CPAMD8: variants seen among roughly 807,000 people sequenced by gnomAD.
CPAMD8 encodes C3 and PZP like alpha-2-macroglobulin domain containing 8.
In CPAMD8, 146 loss-of-function variants were observed where a neutral mutation model predicts 224.7. The ratio of observed to expected loss-of-function variants is 0.65; its 90% CI spans 0.57 to 0.75. The LOEUF (loss-of-function observed/expected upper bound fraction) is 0.75. Among genes scored for constraint, CPAMD8 ranks in the 30% least tolerant of loss-of-function variants. The probability of loss-of-function intolerance (pLI) is 0.00; values close to 1 mark genes in which losing one functional copy is unlikely to be tolerated. For synonymous variants in CPAMD8, 966 were observed against 1,044.6 expected (o/e 0.92, Z 1.45); for missense variants, 2,301 against 2,537.5 (o/e 0.91, Z 2.00).
chr19:16,937,470 C>T (rs1568496223), intron 23 of CPAMD8, among the ~76,000 whole-genome samples: 1 of 151,920 alleles, frequency 6.6e-6, no homozygotes, highest in Non-Finnish European at 1.5e-5. Context: ...TAGGTCCAGC[C>T]TCATGTGTTG....
At chr19:17,021,755 C>T (rs528846595) in intron 2 of CPAMD8, among the ~76,000 whole-genome samples, 13 of 152,340 alleles carry the variant, frequency 8.5e-5, no homozygotes, top group East Asian at 7.7e-4. Flanking sequence ...AAAGCTGACA[C>T]AGGTGGGTGC....
intron 2 of CPAMD8, 67 bp downstream of exon 2, chr19:17,021,963 A>G: frequency 7.2e-7 from 1 of 1,392,838 alleles, no homozygotes. Flanking sequence ...CCCAGCCCTG[A>G]AGGCCAGCAA....
At position 17,009,477 on chromosome 19, in the gene CPAMD8, T is replaced by A. The variant is rs1280868733; in HGVS notation, c.487-157A>T. ...ACATCCGTTGAATCCTAACCCCAAG[T>A]AGGGTCTTTAGAAAGACTCATTACA... is the stretch of plus-strand genomic sequence containing the variant. On this transcript the variant is annotated intron_variant, in intron 5 of 41. Coordinates refer to ENST00000443236, the MANE Select transcript of CPAMD8 (RefSeq NM_015692.5). The A allele has an allele frequency of 3.3e-5, 42 of 1,283,492 alleles. 1 individual carries two copies. The highest frequency in any genetic ancestry group is 2.0e-4 in the Middle Eastern group (1 of 5,128). The allele number at this position is 1,283,492 out of a possible 1,614,324, so 79.5% of individuals were successfully genotyped here.
At chr19:16,932,993 A>G (rs2053588741) in intron 23 of CPAMD8, among the ~76,000 whole-genome samples, 1 of 152,198 alleles carries the variant, frequency 6.6e-6, no homozygotes, top group Non-Finnish European at 1.5e-5. Flanking sequence ...TTCTAAAGAC[A>G]GCAAGAGAGG....
intron 17 of CPAMD8, chr19:16,971,268 T>A: frequency 2.4e-6 from 1 of 412,032 alleles, no homozygotes; most frequent in Non-Finnish European, 4.3e-6. Flanking sequence ...TGGCGCAATC[T>A]TGGCTCACTG....
intron 14 of CPAMD8, among the ~76,000 whole-genome samples, chr19:16,977,841 C>T (rs777988185): frequency 3.3e-5 from 5 of 152,116 alleles, no homozygotes; most frequent in South Asian, 2.1e-4. Flanking sequence ...CTGCTTCCTC[C>T]GCGGACACCA....
At chr19:17,005,846 A>G (rs1302134273) in intron 7 of CPAMD8, among the ~76,000 whole-genome samples, 1 of 152,016 alleles carries the variant, frequency 6.6e-6, no homozygotes, top group Non-Finnish European at 1.5e-5. Context: ...ACATTCGGGG[A>G]TGTGTGTCCT....
chr19:16,971,407 G>T (rs1161617875), intron 17 of CPAMD8, among the ~76,000 whole-genome samples: 3 of 152,140 alleles, frequency 2.0e-5, no homozygotes, highest in African/African-American at 7.2e-5. Flanking sequence ...TGGGGAGAAC[G>T]TGGGACCCAG....
At position 16,907,149 on chromosome 19, in the gene CPAMD8, G is replaced by C. The variant is rs1467184188; in HGVS notation, c.3862-32C>G. 6.0e-6 allele frequency: 9 copies of C among 1,509,210 alleles called. No individual in the cohort carries two copies. The South Asian group carries it at 1.1e-4, about 18-fold the overall frequency. 93.5% of individuals were successfully genotyped at this position (1,509,210 alleles called of 1,614,324 possible). A position where few individuals can be genotyped will look rare whatever the true frequency, so the allele number is the denominator to read the frequency against. On this transcript the variant is annotated intron_variant, in intron 29 of 41. Coordinates refer to ENST00000443236, the MANE Select transcript of CPAMD8 (RefSeq NM_015692.5). Reference sequence around the variant, plus strand: ...GGTGGGGTGGGAAGGTGAAACCTGGGAGGCTGCTCTGCCCCCATCCCACCC... The same window carrying C: ...GGTGGGGTGGGAAGGTGAAACCTGGCAGGCTGCTCTGCCCCCATCCCACCC...
chr19:16,916,385 G>A lies in CPAMD8; in HGVS notation c.3630-1572C>T, dbSNP rs113921964. 7.9e-3 allele frequency among the ~76,000 whole-genome samples: 1,194 copies of A among 151,740 alleles called. 18 individuals carry two copies. Among genetic ancestry groups the A allele is most frequent in the African/African-American group, 0.028 (1,154 of 41,388 alleles). ...TGAGTAGCTGGGATTACAGCCTCCC[G>A]AGTAGCTGGGATTGCCACCATGCCC... On this transcript the variant is annotated intron_variant, in intron 27 of 41. Coordinates refer to ENST00000443236, the MANE Select transcript of CPAMD8 (RefSeq NM_015692.5).
At chr19:16,961,967 T>G (rs537841970) in intron 18 of CPAMD8, among the ~76,000 whole-genome samples, 11 of 151,990 alleles carry the variant, frequency 7.2e-5, no homozygotes, top group Admixed American at 7.2e-4. Flanking sequence ...AGAAGGAAAA[T>G]TAACAAACAG....
chr19:17,008,629 G>A, intron 6 of CPAMD8, 70 bp from the exon 7 acceptor site: 1 of 1,512,152 alleles, frequency 6.6e-7, no homozygotes, highest in African/African-American at 1.4e-5. Context: ...CCAATGTAAG[G>A]ATTTTCCCAG....
chr19:16,941,778 G>C (rs774461374), intron 22 of CPAMD8, among the ~76,000 whole-genome samples: 7 of 151,926 alleles, frequency 4.6e-5, no homozygotes, highest in African/African-American at 1.2e-4. Context: ...ATTGAGACCA[G>C]CCTGGCCAAC....
rs2055046403 is a variant in CPAMD8, at chr19:16,971,046, C to G, written c.2071-13G>C. On this transcript the variant is annotated splice_polypyrimidine_tract_variant and intron_variant, in intron 17 of 41. Coordinates refer to ENST00000443236, the MANE Select transcript of CPAMD8 (RefSeq NM_015692.5). Reference sequence around the variant, plus strand: ...CCAGTCCCGTTTCCTAGGCAACAGACAACACCCAAACCATTGGTGGGGAAG... The same window carrying G: ...CCAGTCCCGTTTCCTAGGCAACAGAGAACACCCAAACCATTGGTGGGGAAG... The G allele has an allele frequency of 6.3e-7, 1 of 1,592,246 alleles. No homozygotes were observed. The highest frequency in any genetic ancestry group is 8.6e-7 in the Non-Finnish European group (1 of 1,168,696).
intron 23 of CPAMD8, among the ~76,000 whole-genome samples, chr19:16,930,906 C>A (rs1248116056): frequency 1.3e-5 from 2 of 152,174 alleles, no homozygotes; most frequent in Non-Finnish European, 2.9e-5. Flanking sequence ...CTCACAGCCA[C>A]CACCAAGGCT....
In CPAMD8 at chr19:16,977,480, A is replaced by G. The variant is rs761531402; in HGVS notation, c.1646T>C (p.Val549Ala). 1.2e-6 allele frequency: 2 copies of G among 1,612,080 alleles called. No homozygotes were observed. The highest frequency in any genetic ancestry group is 1.7e-6 in the Non-Finnish European group (2 of 1,179,090). ...DVCVTSLHLAVTPSMVPLGRL... is the reference protein window; with the variant it reads ...DVCVTSLHLAATPSMVPLGRL... ...ACCAAGGGGGACCATGCTGGGGGTC[A>G]CGGCCAGATGAAGAGAGGTCACACA... The change falls in exon 15 of 42, where the codon GTG becomes GCG. Residue 549 changes from valine to alanine, a missense_variant. Around this residue, in one of 4 missense-constraint regions of CPAMD8, gnomAD observed 301 missense variants for 406.6 expected, o/e 0.74. Transcript: ENST00000443236.
chr19:16,932,401 A>G (rs2053571531), intron 23 of CPAMD8, among the ~76,000 whole-genome samples: 1 of 152,222 alleles, frequency 6.6e-6, no homozygotes, highest in Non-Finnish European at 1.5e-5. Context: ...AGCCTGGGCA[A>G]CAGAGTGAGA....
rs1644380958 is a variant in CPAMD8, at chr19:16,906,921, G to T, written c.4027+31C>A. The T allele has an allele frequency of 3.2e-6, 5 of 1,561,620 alleles. No individual in the cohort carries two copies. The South Asian group carries it at 5.9e-5, about 18-fold the overall frequency. On this transcript the variant is annotated intron_variant, in intron 30 of 41. Coordinates refer to ENST00000443236, the MANE Select transcript of CPAMD8 (RefSeq NM_015692.5). ...ACTCCACAGTGGGCTTCCCGACGCT[G>T]TGGCCTCTGGGGAGGGCCAGGGACA...
intron 17 of CPAMD8, 70 bp downstream of exon 17, chr19:16,975,027 C>T: frequency 6.5e-7 from 1 of 1,536,124 alleles, no homozygotes; most frequent in Non-Finnish European, 8.8e-7. Context: ...TTCTGAATCT[C>T]CAAGACTCTT....
Sources: allele counts gnomAD v4.1 joint callset (sites outside exome capture counted in the v4.1 genomes callset), GRCh38; gene constraint gnomAD v4.1.1; regional missense constraint gnomAD v4.1.1; transcripts MANE v1.5; gene names NCBI Gene and HGNC (gene_info 2026-07-23, HGNC 2026-07-21).